Variants in NXPH1 observed in about 807,000 individuals in gnomAD.
NXPH1 encodes neurexophilin 1.
NXPH1 carries 5 observed loss-of-function variants against 23.7 expected under a neutral mutation model. The observed-to-expected ratio is 0.21, with a 90% confidence interval of 0.11 to 0.44. The LOEUF (loss-of-function observed/expected upper bound fraction) is 0.44, where lower values mean the gene tolerates loss of function less well. Ranked by LOEUF, NXPH1 falls within the 20% of genes least tolerant of loss-of-function variation. The pLI is 0.99. For synonymous variants in NXPH1, 144 were observed against 122.2 expected, an observed-to-expected ratio of 1.18 and a Z score of -1.18; for missense variants, 324 against 321.6, an observed-to-expected ratio of 1.01 and a Z score of -0.06.
chr7:8,543,714 C>T (rs1818152966), intron 2 of NXPH1, among the ~76,000 whole-genome samples: 1 of 151,750 alleles, frequency 6.6e-6, no homozygotes, highest in Middle Eastern at 3.4e-3. Context: ...TTTATGTCAA[C>T]AGGTAGCATG....
chr7:8,643,800 T>G (rs1820354246), intron 2 of NXPH1, among the ~76,000 whole-genome samples: 1 of 152,200 alleles, frequency 6.6e-6, no homozygotes, highest in Admixed American at 6.5e-5. Context: ...TGACAATATC[T>G]TCCTTCATAT....
At chr7:8,743,896 G>A (rs1238858013) in intron 2 of NXPH1, among the ~76,000 whole-genome samples, 1 of 152,012 alleles carries the variant, frequency 6.6e-6, no homozygotes. Flanking sequence ...GTGTTAGCCA[G>A]GATGGTCTCT....
chr7:8,511,822 G>T (rs1817616901), intron 2 of NXPH1, among the ~76,000 whole-genome samples: 1 of 152,100 alleles, frequency 6.6e-6, no homozygotes, highest in African/African-American at 2.4e-5. Flanking sequence ...CACAATTTCA[G>T]TCCTGGTGCA....
intron 2 of NXPH1, among the ~76,000 whole-genome samples, chr7:8,736,864 C>G (rs1485078761): frequency 6.6e-6 from 1 of 151,920 alleles, no homozygotes; most frequent in East Asian, 1.9e-4. Context: ...TACATTGATC[C>G]CTTTACCATT....
intron 2 of NXPH1, among the ~76,000 whole-genome samples, chr7:8,738,185 G>A (rs1780294893): frequency 6.6e-6 from 1 of 152,166 alleles, no homozygotes; most frequent in South Asian, 2.1e-4. Context: ...TGCTGGTGAG[G>A]AGTTGTCATC....
chr7:8,604,229 T>A (rs951176838), intron 2 of NXPH1, among the ~76,000 whole-genome samples: 5 of 152,184 alleles, frequency 3.3e-5, no homozygotes, highest in African/African-American at 1.2e-4. Context: ...TAAAACATCA[T>A]GTATTTTTTA....
At chr7:8,746,509 CTT>C (rs1202695190) in intron 2 of NXPH1, among the ~76,000 whole-genome samples, 1 of 152,152 alleles carries the variant, frequency 6.6e-6, no homozygotes, top group Non-Finnish European at 1.5e-5. Context: ...TTTTAGCTAA[CTT>C]GAGTTCAATC....
At chr7:8,517,465 T>A (rs1004625693) in intron 2 of NXPH1, among the ~76,000 whole-genome samples, 5 of 152,154 alleles carry the variant, frequency 3.3e-5, no homozygotes, top group Admixed American at 2.0e-4. Flanking sequence ...ATGTAAATTT[T>A]GTTTCTGGGG....
intron 2 of NXPH1, among the ~76,000 whole-genome samples, chr7:8,515,975 C>A (rs1817680709): frequency 6.6e-6 from 1 of 152,114 alleles, no homozygotes. Flanking sequence ...CTCATGCATA[C>A]CTATCTGGTG....
chr7:8,577,234 G>A (rs934206628), intron 2 of NXPH1, among the ~76,000 whole-genome samples: 2 of 152,004 alleles, frequency 1.3e-5, no homozygotes, highest in Admixed American at 6.5e-5. Flanking sequence ...TCCTCTTATC[G>A]TTTCTTTTAA....
At chr7:8,510,588 TA>T in intron 2 of NXPH1, among the ~76,000 whole-genome samples, 1 of 152,258 alleles carries the variant, frequency 6.6e-6, no homozygotes, top group East Asian at 1.9e-4. Context: ...AGGAATATTA[TA>T]TTTTGGTTTT....
chr7:8,678,730 A>C (rs1290441038), intron 2 of NXPH1, among the ~76,000 whole-genome samples: 1 of 151,686 alleles, frequency 6.6e-6, no homozygotes, highest in African/African-American at 2.4e-5. Context: ...GGCTATTACC[A>C]CTGCCTGCAG....
chr7:8,749,200 TC>T (rs1780523032), intron 2 of NXPH1, among the ~76,000 whole-genome samples: 1 of 152,218 alleles, frequency 6.6e-6, no homozygotes, highest in Admixed American at 6.5e-5. Flanking sequence ...TTGAGCCCTT[TC>T]CAAATGCCAG....
At chr7:8,492,171 T>C (rs1366146078) in intron 2 of NXPH1, among the ~76,000 whole-genome samples, 3 of 152,096 alleles carry the variant, frequency 2.0e-5, no homozygotes, top group African/African-American at 7.2e-5. Flanking sequence ...TGCACTTTTA[T>C]TGTGATCCGA....
intron 2 of NXPH1, among the ~76,000 whole-genome samples, chr7:8,531,364 G>T (rs146249161): frequency 1.0e-3 from 155 of 152,282 alleles, no homozygotes; most frequent in African/African-American, 3.4e-3. Flanking sequence ...TACTCTATTT[G>T]TTGAATGAAG....
chr7:8,553,165 G>A (rs1202671216), intron 2 of NXPH1, among the ~76,000 whole-genome samples: 4 of 151,486 alleles, frequency 2.6e-5, no homozygotes, highest in Admixed American at 2.0e-4. Context: ...AAGAAAAAAA[G>A]CAGAGCTGGA....
chr7:8,683,142 G>A lies in NXPH1; in HGVS notation c.55-67866G>A, dbSNP rs1821084618. ...CAAGAAGCTTTTATCCAGGTCGAAG[G>A]TGAAGTGGGAGCAGGTGTGTCACAT... On this transcript the variant is annotated intron_variant, in intron 2 of 2. Coordinates refer to ENST00000405863, the MANE Select transcript of NXPH1 (RefSeq NM_152745.3). Among the ~76,000 whole-genome samples, 4 of 152,312 alleles carry A rather than the reference G, an allele frequency of 2.6e-5. No individual in the cohort carries two copies. In the South Asian group the frequency reaches 8.3e-4, roughly 32 times the overall value.
intron 2 of NXPH1, among the ~76,000 whole-genome samples, chr7:8,678,382 A>G (rs570139939): frequency 3.3e-5 from 5 of 152,178 alleles, no homozygotes; most frequent in African/African-American, 1.2e-4. Flanking sequence ...AGAACTACTT[A>G]TGTCTCTCTT....
chr7:8,664,034 A>G (rs1355272983), intron 2 of NXPH1, among the ~76,000 whole-genome samples: 1 of 151,964 alleles, frequency 6.6e-6, no homozygotes, highest in African/African-American at 2.4e-5. Flanking sequence ...AGAGAAAGAG[A>G]AGTCTTGTTA....
Sources: gnomAD v4.1 joint callset for allele counts (sites outside exome capture counted in the v4.1 genomes callset) on GRCh38, gnomAD v4.1.1 for gene constraint, MANE v1.5 for transcripts, NCBI Gene and HGNC (gene_info 2026-07-23, HGNC 2026-07-21) for gene names.